The following LYN variants were observed in gnomAD, a reference collection of about 807,000 sequenced individuals.
The protein encoded by LYN is LYN proto-oncogene, Src family tyrosine kinase.
In LYN, 12 loss-of-function variants were observed where a neutral mutation model predicts 65.0. The observed-to-expected ratio is 0.18, with a 90% CI of 0.12 to 0.30. The LOEUF (loss-of-function observed/expected upper bound fraction) is 0.30. Ranked by LOEUF, LYN falls within the 10% of genes least tolerant of loss-of-function variation. The probability of loss-of-function intolerance (pLI) is 1.00; values close to 1 mark genes in which losing one functional copy is unlikely to be tolerated. For missense variants in LYN, 380 were observed against 623.2 expected (o/e 0.61, Z 4.16); for synonymous variants, 222 against 221.2 (o/e 1.00, Z -0.03).
Position 55,954,071 on chromosome 8 carries a change from G to A in LYN, c.790+87G>A. 3 of 1,397,132 alleles carry A rather than the reference G, an allele frequency of 2.1e-6. No homozygotes were observed. In the South Asian group the frequency reaches 3.7e-5, roughly 17 times the overall value. The allele number at this position is 1,397,132 out of a possible 1,614,324, so 86.5% of individuals were successfully genotyped here. A position where few individuals can be genotyped will look rare whatever the true frequency, so the allele number is the denominator to read the frequency against. On this transcript the variant is annotated intron_variant, in intron 8 of 12. Transcript: ENST00000519728. Reference sequence around the variant, plus strand: ...CAAGCCAATTTCGATCAGCTTCTGAGCCAGACACTAAATTATGTCAGAAGC... The same window carrying A: ...CAAGCCAATTTCGATCAGCTTCTGAACCAGACACTAAATTATGTCAGAAGC...
intron 2 of LYN, among the ~76,000 whole-genome samples, chr8:55,942,377 A>C: frequency 7.2e-6 from 1 of 139,214 alleles, no homozygotes; most frequent in Non-Finnish European, 1.5e-5. Context: ...GTGTATATAT[A>C]TGTGTATATA....
chr8:55,982,519 G>A (rs1345786912), intron 10 of LYN, among the ~76,000 whole-genome samples: 1 of 152,042 alleles, frequency 6.6e-6, no homozygotes, highest in Non-Finnish European at 1.5e-5. Flanking sequence ...TCCATTTCCA[G>A]ACCTTCTACC....
At chr8:55,907,761 G>A (rs1468110577) in intron 1 of LYN, among the ~76,000 whole-genome samples, 2 of 152,136 alleles carry the variant, frequency 1.3e-5, no homozygotes, top group Non-Finnish European at 2.9e-5. Context: ...AGCTACTAGG[G>A]AGGCTGAGGT....
intron 1 of LYN, among the ~76,000 whole-genome samples, chr8:55,918,817 C>T (rs572914111): frequency 1.3e-5 from 2 of 152,164 alleles, no homozygotes; most frequent in African/African-American, 4.8e-5. Flanking sequence ...TGATCGGGTC[C>T]TGATGGGTGC....
rs1808841422 is a variant in LYN at position 56,012,323 on chromosome 8, C to T, written c.*2213C>T. 5.6e-6 allele frequency: 1 copy of T among 179,736 alleles called. No homozygotes were observed. The highest frequency in any genetic ancestry group is 2.4e-5 in the African/African-American group (1 of 42,310). The allele number at this position is 179,736 out of a possible 1,614,324, so 11.1% of individuals were successfully genotyped here. On this transcript the variant is annotated 3_prime_UTR_variant, in exon 13 of 13. Transcript: ENST00000519728. The stretch of plus-strand genomic sequence containing the variant: ...GTGCAAAATGGCTCATGTCATCACA[C>T]CTCAGGTTATTGTAGAGAACTGGAA...
intron 10 of LYN, among the ~76,000 whole-genome samples, chr8:55,973,546 G>C (rs1488305788): frequency 6.6e-6 from 1 of 152,222 alleles, no homozygotes; most frequent in East Asian, 1.9e-4. Context: ...AACTTGGAAA[G>C]AAAAGGGGTT....
At chr8:55,913,025 TAG>T (rs1805685595) in intron 1 of LYN, among the ~76,000 whole-genome samples, 1 of 152,174 alleles carries the variant, frequency 6.6e-6, no homozygotes, top group Admixed American at 6.5e-5. Flanking sequence ...AGTGATGTAA[TAG>T]AGTTAGTGGG....
At chr8:55,931,731 T>C (rs1384674110) in intron 1 of LYN, among the ~76,000 whole-genome samples, 1 of 152,176 alleles carries the variant, frequency 6.6e-6, no homozygotes, top group Non-Finnish European at 1.5e-5. Flanking sequence ...AGTATTCTTT[T>C]GTGTTGAAGT....
intron 1 of LYN, among the ~76,000 whole-genome samples, chr8:55,884,698 C>T (rs28595219): frequency 0.23 from 34,891 of 151,836 alleles, 4,388 homozygotes; most frequent in Middle Eastern, 0.34. Context: ...TAGGTGAGCC[C>T]GCCTCGGCCT....
chr8:55,965,655 G>T (rs1807433171), intron 8 of LYN, among the ~76,000 whole-genome samples: 1 of 152,028 alleles, frequency 6.6e-6, no homozygotes, highest in Non-Finnish European at 1.5e-5. Context: ...CCAGACTGTT[G>T]TTTATATGTG....
At chr8:55,907,655 C>T (rs933846900) in intron 1 of LYN, among the ~76,000 whole-genome samples, 2 of 151,990 alleles carry the variant, frequency 1.3e-5, no homozygotes, top group South Asian at 2.1e-4. Context: ...TTGCTTGAGC[C>T]CAGGAGTTCA....
At chr8:55,949,426 G>A (rs562406323) in intron 4 of LYN, among the ~76,000 whole-genome samples, 14 of 152,262 alleles carry the variant, frequency 9.2e-5, no homozygotes, top group African/African-American at 2.4e-4. Flanking sequence ...ATTCCATCAC[G>A]GAGAGTGAAT....
chr8:55,884,263 C>A (rs1170041708), intron 1 of LYN, among the ~76,000 whole-genome samples: 7 of 152,130 alleles, frequency 4.6e-5, no homozygotes, highest in African/African-American at 1.7e-4. Context: ...TGCCACCACA[C>A]CCAGCTAATT....
At chr8:55,951,892 T>C in intron 6 of LYN, 74 bp from the exon 7 acceptor site, 1 of 1,142,226 alleles carries the variant, frequency 8.8e-7, no homozygotes, top group Non-Finnish European at 1.3e-6. Flanking sequence ...TCACAAAATG[T>C]GTACTGCAGT....
At chr8:55,930,551 C>T (rs180912370) in intron 1 of LYN, among the ~76,000 whole-genome samples, 23 of 152,206 alleles carry the variant, frequency 1.5e-4, no homozygotes, top group Non-Finnish European at 2.9e-5. Flanking sequence ...CCCTACCTTA[C>T]GTAAGTTTCC....
At chr8:55,924,829 A>C (rs754940739) in intron 1 of LYN, among the ~76,000 whole-genome samples, 6 of 152,114 alleles carry the variant, frequency 3.9e-5, no homozygotes, top group Non-Finnish European at 8.8e-5. Flanking sequence ...CTTCAAGCTT[A>C]GTCCAAAGAA....
chr8:55,939,538 G>C (rs1295562015), intron 1 of LYN, among the ~76,000 whole-genome samples: 2 of 152,038 alleles, frequency 1.3e-5, no homozygotes, highest in Admixed American at 6.6e-5. Flanking sequence ...GCAGTGGGGG[G>C]GGGACAGGGG....
At chr8:55,966,942 A>T (rs1807476960) in intron 9 of LYN, 45 bp downstream of exon 9, 1 of 1,566,770 alleles carries the variant, frequency 6.4e-7, no homozygotes, top group South Asian at 1.1e-5. Flanking sequence ...CTTCAAACTC[A>T]AAAAGTAAAA....
intron 1 of LYN, among the ~76,000 whole-genome samples, chr8:55,897,466 G>T (rs1805150300): frequency 6.6e-6 from 1 of 152,138 alleles, no homozygotes; most frequent in South Asian, 2.1e-4. Context: ...GATCTCCAGA[G>T]TCTAGTAACA....
Sources: allele counts gnomAD v4.1 joint callset (sites outside exome capture counted in the v4.1 genomes callset), GRCh38; gene constraint gnomAD v4.1.1; transcripts MANE v1.5; gene names NCBI Gene and HGNC (gene_info 2026-07-23, HGNC 2026-07-21).